The following CSMD1 variants were observed in gnomAD, a reference collection of about 807,000 sequenced individuals.
CSMD1 encodes CUB and Sushi multiple domains 1, also known as CUB and sushi domain-containing protein 1.
Under a neutral mutation model 417.5 loss-of-function variants are expected in CSMD1, and 213 were observed. That is an observed-to-expected ratio of 0.51 (90% CI 0.46 to 0.57). CSMD1 has a LOEUF of 0.57. Ranked by LOEUF, CSMD1 falls within the 20% of genes least tolerant of loss-of-function variation. The pLI, the probability that CSMD1 is intolerant of heterozygous loss-of-function variation, is 0.00. For synonymous variants in CSMD1, 2,862 were observed against 1,736.8 expected, an observed-to-expected ratio of 1.65 and a Z score of -16.11; for missense variants, 6,923 against 4,529.7, an observed-to-expected ratio of 1.53 and a Z score of -15.17.
At chr8:3,603,270 A>C (rs1204926728) in intron 8 of CSMD1, among the ~76,000 whole-genome samples, 1 of 152,210 alleles carries the variant, frequency 6.6e-6, no homozygotes, top group East Asian at 1.9e-4. Flanking sequence ...ATCCTCCTTC[A>C]AAAGCTACCT....
chr8:3,163,274 T>C (rs1268490261), intron 37 of CSMD1, among the ~76,000 whole-genome samples: 5 of 152,182 alleles, frequency 3.3e-5, no homozygotes, highest in African/African-American at 1.2e-4. Context: ...CTTCACATTC[T>C]TTATGGGGCC....
At chr8:4,436,180 C>G (rs1411257429) in intron 2 of CSMD1, among the ~76,000 whole-genome samples, 3 of 152,142 alleles carry the variant, frequency 2.0e-5, no homozygotes, top group East Asian at 1.9e-4. Flanking sequence ...AGTGTCTCAT[C>G]TTACAGACAC....
At chr8:3,928,861 G>A (rs546822864) in intron 5 of CSMD1, among the ~76,000 whole-genome samples, 64 of 147,014 alleles carry the variant, frequency 4.4e-4, no homozygotes, top group African/African-American at 1.5e-3. Context: ...AAGGGTAGGA[G>A]AAATGTCATG....
chr8:4,964,115 C>T (rs1328373396), intron 1 of CSMD1, among the ~76,000 whole-genome samples: 5 of 152,026 alleles, frequency 3.3e-5, no homozygotes, highest in Non-Finnish European at 5.9e-5. Flanking sequence ...TCAAGTGGCA[C>T]TATCTTCATT....
At chr8:3,341,484 G>C (rs1032703419) in intron 23 of CSMD1, among the ~76,000 whole-genome samples, 1 of 152,160 alleles carries the variant, frequency 6.6e-6, no homozygotes, top group African/African-American at 2.4e-5. Context: ...ACAGTTACTA[G>C]GGTTGGAAAC....
At chr8:3,348,294 A>G in intron 21 of CSMD1, 133 bp from the exon 22 acceptor site, 1 of 646,324 alleles carries the variant, frequency 1.5e-6, no homozygotes, top group Non-Finnish European at 2.5e-6. Context: ...TTATTTCAAA[A>G]TAGATCAGTG....
intron 3 of CSMD1, among the ~76,000 whole-genome samples, chr8:4,063,974 G>C (rs1420229785): frequency 1.3e-5 from 2 of 152,150 alleles, no homozygotes; most frequent in East Asian, 1.9e-4. Context: ...AAAAGAGAGT[G>C]TGTGTTGGGA....
At chr8:3,939,654 G>C (rs56363841) in intron 5 of CSMD1, among the ~76,000 whole-genome samples, 3 of 151,854 alleles carry the variant, frequency 2.0e-5, no homozygotes, top group African/African-American at 7.2e-5. Flanking sequence ...AAGAAAATGT[G>C]GTATATATAC....
intron 7 of CSMD1, among the ~76,000 whole-genome samples, chr8:3,655,674 T>A (rs1798066598): frequency 6.6e-6 from 1 of 151,808 alleles, no homozygotes; most frequent in Non-Finnish European, 1.5e-5. Flanking sequence ...TTTTTTTTTT[T>A]TTTTTTTAAT....
At chr8:3,729,692 TC>T (rs1802711103) in intron 6 of CSMD1, among the ~76,000 whole-genome samples, 1 of 68,142 alleles carries the variant, frequency 1.5e-5, no homozygotes, top group Non-Finnish European at 2.7e-5. Context: ...GAAACTCGCC[TC>T]TTCTTCTGCT....
At chr8:4,665,238 C>G (rs1196538518) in intron 1 of CSMD1, among the ~76,000 whole-genome samples, 1 of 152,184 alleles carries the variant, frequency 6.6e-6, no homozygotes, top group Non-Finnish European at 1.5e-5. Flanking sequence ...CCTTCCTCTC[C>G]TTCACTTTCT....
chr8:3,718,588 T>C (rs760998383), intron 6 of CSMD1, among the ~76,000 whole-genome samples: 6 of 152,212 alleles, frequency 3.9e-5, no homozygotes, highest in Non-Finnish European at 7.4e-5. Flanking sequence ...AATTAAAAGA[T>C]AAATGTCTCA....
intron 10 of CSMD1, among the ~76,000 whole-genome samples, chr8:3,547,738 T>G (rs1798735471): frequency 6.6e-6 from 1 of 152,216 alleles, no homozygotes. Flanking sequence ...TATTTTGGCT[T>G]GAGCTAGTTA....
intron 3 of CSMD1, among the ~76,000 whole-genome samples, chr8:4,113,297 A>T (rs1801955732): frequency 6.6e-6 from 1 of 152,074 alleles, no homozygotes; most frequent in Non-Finnish European, 1.5e-5. Flanking sequence ...TGATTAACTA[A>T]GTGAGAAAGA....
intron 1 of CSMD1, among the ~76,000 whole-genome samples, chr8:4,958,840 G>C (rs1490834591): frequency 6.6e-6 from 1 of 152,102 alleles, no homozygotes; most frequent in East Asian, 1.9e-4. Context: ...TCTAAAAAAT[G>C]CATGTCCTTT....
intron 40 of CSMD1, among the ~76,000 whole-genome samples, chr8:3,147,898 AC>A (rs1818937198): frequency 1.3e-5 from 2 of 152,172 alleles, no homozygotes; most frequent in Admixed American, 1.3e-4. Context: ...TGCGTGAACT[AC>A]CTATCACATA....
intron 3 of CSMD1, among the ~76,000 whole-genome samples, chr8:4,161,761 G>A (rs781469572): frequency 1.5e-4 from 23 of 152,210 alleles, no homozygotes; most frequent in African/African-American, 4.8e-4. Flanking sequence ...CCAGTTTCAA[G>A]GAATCAGATA....
At chr8:4,533,994 G>C (rs868820426) in intron 2 of CSMD1, among the ~76,000 whole-genome samples, 1 of 150,992 alleles carries the variant, frequency 6.6e-6, no homozygotes, top group East Asian at 1.9e-4. Flanking sequence ...AGATTTGTCA[G>C]TCTATAGGTA....
intron 6 of CSMD1, among the ~76,000 whole-genome samples, chr8:3,727,624 T>G (rs1158733049): frequency 6.6e-6 from 1 of 152,206 alleles, no homozygotes; most frequent in African/African-American, 2.4e-5. Flanking sequence ...CGTACACACC[T>G]GAAATAATGG....
Sources: gnomAD v4.1 joint callset for allele counts (sites outside exome capture counted in the v4.1 genomes callset) on GRCh38, gnomAD v4.1.1 for gene constraint, MANE v1.5 for transcripts, NCBI Gene and HGNC (gene_info 2026-07-23, HGNC 2026-07-21) for gene names.